LHFPL4: variants seen among roughly 807,000 people sequenced by gnomAD.
LHFPL4 encodes LHFPL tetraspan subfamily member 4 protein.
LHFPL4 carries 6 observed loss-of-function variants against 20.0 expected under a neutral mutation model. The observed-to-expected ratio is 0.30, with a 90% CI of 0.16 to 0.59. The LOEUF (loss-of-function observed/expected upper bound fraction) is 0.59. LHFPL4 is among the 20% of genes least tolerant of loss of function. The pLI is 0.88. For synonymous variants in LHFPL4, 129 were observed against 143.8 expected, an observed-to-expected ratio of 0.90 and a Z score of 0.74; for missense variants, 215 against 331.2, an observed-to-expected ratio of 0.65 and a Z score of 2.72.
intron 3 of LHFPL4, among the ~76,000 whole-genome samples, chr3:9,503,321 G>C (rs111471497): frequency 6.6e-6 from 1 of 152,178 alleles, no homozygotes; most frequent in African/African-American, 2.4e-5. Context: ...CTTCACATCA[G>C]TCACATCCCC....
chr3:9,509,239 G>A (rs1427136021), intron 2 of LHFPL4, among the ~76,000 whole-genome samples: 1 of 74,828 alleles, frequency 1.3e-5, no homozygotes, highest in Non-Finnish European at 2.6e-5. Flanking sequence ...ATCTTTCTTC[G>A]CACCCCCCTC....
intron 2 of LHFPL4, among the ~76,000 whole-genome samples, chr3:9,536,848 G>A (rs1232345378): frequency 6.6e-6 from 1 of 151,652 alleles, no homozygotes; most frequent in African/African-American, 2.4e-5. Context: ...GAACCTGAGA[G>A]GCAGAGCTTG....
intron 2 of LHFPL4, among the ~76,000 whole-genome samples, chr3:9,534,115 T>G (rs1373648806): frequency 6.6e-6 from 1 of 151,428 alleles, no homozygotes; most frequent in African/African-American, 2.4e-5. Context: ...CCCCGCTATT[T>G]GGGAGGCAGG....
At chr3:9,519,588 C>G (rs2046325468) in intron 2 of LHFPL4, among the ~76,000 whole-genome samples, 1 of 152,090 alleles carries the variant, frequency 6.6e-6, no homozygotes, top group African/African-American at 2.4e-5. Flanking sequence ...GAGACAGAAT[C>G]TTACTTCATC....
At chr3:9,511,280 G>A (rs1373100937) in intron 2 of LHFPL4, among the ~76,000 whole-genome samples, 1 of 151,712 alleles carries the variant, frequency 6.6e-6, no homozygotes, top group East Asian at 1.9e-4. Flanking sequence ...GAACCCAGGA[G>A]ATGGAGCTTG....
At chr3:9,504,824 CAA>C (rs35221511) in intron 3 of LHFPL4, among the ~76,000 whole-genome samples, 1 of 145,050 alleles carries the variant, frequency 6.9e-6, no homozygotes, top group Non-Finnish European at 1.5e-5. Context: ...GACTCCATCT[CAA>C]AAAAAAAAAA....
chr3:9,532,217 C>A (rs920009583), intron 2 of LHFPL4, among the ~76,000 whole-genome samples: 3 of 151,890 alleles, frequency 2.0e-5, no homozygotes, highest in Non-Finnish European at 2.9e-5. Flanking sequence ...TTAATAGAGA[C>A]GGGATTTCAC....
chr3:9,524,558 C>T (rs2046361515), intron 2 of LHFPL4, among the ~76,000 whole-genome samples: 1 of 152,184 alleles, frequency 6.6e-6, no homozygotes, highest in South Asian at 2.1e-4. Context: ...AGGCATTCTT[C>T]CTTTCTGTTA....
At chr3:9,540,785 C>T (rs986278716) in intron 2 of LHFPL4, among the ~76,000 whole-genome samples, 1 of 151,386 alleles carries the variant, frequency 6.6e-6, no homozygotes, top group Admixed American at 6.6e-5. Flanking sequence ...CCTGTGGTCC[C>T]AGCTACTGGG....
rs992410633 is a variant in LHFPL4 at position 9,505,905 on chromosome 3, A to T, written c.643+62T>A. 5 of 1,458,428 alleles carry T rather than the reference A, an allele frequency of 3.4e-6. No individual in the cohort carries two copies. In the South Asian group the frequency reaches 5.8e-5, roughly 17 times the overall value. 90.3% of individuals were successfully genotyped at this position (1,458,428 alleles called of 1,614,324 possible). ...CCTCTTACTCCTTTTATTTGAAATT[A>T]TCCTGCCTCCCAGGACCAGGCCTGG... On this transcript the variant is annotated intron_variant, in intron 3 of 3. Coordinates refer to ENST00000287585, the MANE Select transcript of LHFPL4 (RefSeq NM_198560.3).
intron 2 of LHFPL4, among the ~76,000 whole-genome samples, chr3:9,530,526 T>C (rs2313735): frequency 0.15 from 22,531 of 152,186 alleles, 2,619 homozygotes; most frequent in East Asian, 0.39. Context: ...AGGAATGCTG[T>C]GCTGGTTTGA....
chr3:9,529,501 T>A (rs763523233), intron 2 of LHFPL4, among the ~76,000 whole-genome samples: 1 of 152,238 alleles, frequency 6.6e-6, no homozygotes, highest in African/African-American at 2.4e-5. Flanking sequence ...CCTTGACTCA[T>A]GGGCTACAGA....
chr3:9,519,554 C>G (rs1316963419), intron 2 of LHFPL4, among the ~76,000 whole-genome samples: 1 of 152,068 alleles, frequency 6.6e-6, no homozygotes, highest in East Asian at 1.9e-4. Flanking sequence ...TCTGCTTTCT[C>G]TCTCGTTCTT....
intron 3 of LHFPL4, among the ~76,000 whole-genome samples, chr3:9,505,158 A>T (rs2046208298): frequency 6.6e-6 from 1 of 152,316 alleles, no homozygotes; most frequent in East Asian, 1.9e-4. Flanking sequence ...ATGGGTTTGT[A>T]CCCGAGGTGG....
At chr3:9,533,372 C>T (rs1049793653) in intron 2 of LHFPL4, among the ~76,000 whole-genome samples, 1 of 152,202 alleles carries the variant, frequency 6.6e-6, no homozygotes. Context: ...AAATAGTATA[C>T]AGCAGTGAAG....
intron 2 of LHFPL4, among the ~76,000 whole-genome samples, chr3:9,544,585 A>G (rs2125667303): frequency 2.0e-5 from 3 of 152,304 alleles, no homozygotes; most frequent in Middle Eastern, 6.8e-3. Context: ...AGATCAGACC[A>G]CTGCACTCCA....
chr3:9,541,198 T>C (rs562798546), intron 2 of LHFPL4, among the ~76,000 whole-genome samples: 20 of 151,972 alleles, frequency 1.3e-4, no homozygotes, highest in Non-Finnish European at 2.2e-4. Context: ...CACCTTGGCC[T>C]CCCAAAGTGC....
At chr3:9,539,051 G>A (rs905579511) in intron 2 of LHFPL4, among the ~76,000 whole-genome samples, 2 of 152,114 alleles carry the variant, frequency 1.3e-5, no homozygotes, top group African/African-American at 2.4e-5. Flanking sequence ...AGGAATGGGT[G>A]GCAGAGCTGA....
At chr3:9,539,052 G>A (rs1337320456) in intron 2 of LHFPL4, among the ~76,000 whole-genome samples, 1 of 152,136 alleles carries the variant, frequency 6.6e-6, no homozygotes, top group African/African-American at 2.4e-5. Flanking sequence ...GGAATGGGTG[G>A]CAGAGCTGAG....
Sources: allele counts gnomAD v4.1 joint callset (sites outside exome capture counted in the v4.1 genomes callset), GRCh38; gene constraint gnomAD v4.1.1; transcripts MANE v1.5; gene names NCBI Gene and HGNC (gene_info 2026-07-23, HGNC 2026-07-21).